The following POLR3B variants were observed in gnomAD, a reference collection of about 807,000 sequenced individuals.
POLR3B encodes the protein DNA-directed RNA polymerase III subunit RPC2.
In POLR3B, 96 loss-of-function variants were observed where a neutral mutation model predicts 147.4. The observed-to-expected ratio is 0.65, with a 90% CI of 0.55 to 0.77. POLR3B has a LOEUF of 0.77. POLR3B is among the 30% of genes least tolerant of loss of function. POLR3B has a pLI of 0.00. For synonymous variants in POLR3B, 461 were observed against 485.9 expected (o/e 0.95, Z 0.67); for missense variants, 1,036 against 1,413.5 (o/e 0.73, Z 4.28).
intron 12 of POLR3B, among the ~76,000 whole-genome samples, chr12:106,414,221 T>TAAAAA (rs5800711): frequency 1.7e-5 from 2 of 121,078 alleles, no homozygotes; most frequent in Non-Finnish European, 3.3e-5. Context: ...GATACAAAAG[T>TAAAAA]AAAAAAAAAA....
chr12:106,409,637 A>G (rs2037197264), intron 11 of POLR3B, among the ~76,000 whole-genome samples: 1 of 151,308 alleles, frequency 6.6e-6, no homozygotes, highest in South Asian at 2.1e-4. Flanking sequence ...ATTACTTAGC[A>G]GCAACAACAA....
chr12:106,455,386 T>C (rs1428000747), intron 20 of POLR3B, among the ~76,000 whole-genome samples: 1 of 152,186 alleles, frequency 6.6e-6, no homozygotes, highest in Non-Finnish European at 1.5e-5. Flanking sequence ...GCAGCCATAA[T>C]AGTACTCCTA....
intron 22 of POLR3B, among the ~76,000 whole-genome samples, chr12:106,461,164 G>A (rs539857829): frequency 2.6e-5 from 4 of 152,006 alleles, no homozygotes; most frequent in African/African-American, 7.2e-5. Context: ...GCACGATCTC[G>A]GCTCACTGCA....
intron 9 of POLR3B, among the ~76,000 whole-genome samples, chr12:106,381,317 A>G (rs780536486): frequency 7.2e-5 from 11 of 152,222 alleles, no homozygotes; most frequent in Non-Finnish European, 1.2e-4. Context: ...GGAGTCAGTG[A>G]TAGCATTTTA....
chr12:106,358,111 A>G (rs575533516), intron 1 of POLR3B, 160 bp downstream of exon 1: 27 of 1,501,884 alleles, frequency 1.8e-5, no homozygotes, highest in Non-Finnish European at 2.1e-5. Context: ...TCTTTTTTCC[A>G]GAGCCGGCCT....
Position 106,509,722 on chromosome 12 carries a change from A to G in POLR3B, c.*173A>G. ...TATATACTCTAAGACTGGCTAAACAACCTTGATCATTGAGCCTCGAGCCAT... is the reference window on the plus strand; with the variant it reads ...TATATACTCTAAGACTGGCTAAACAGCCTTGATCATTGAGCCTCGAGCCAT... On this transcript the variant is annotated 3_prime_UTR_variant, in exon 28 of 28. Coordinates refer to ENST00000228347, the MANE Select transcript of POLR3B (RefSeq NM_018082.6). 1.7e-6 allele frequency: 1 copy of G among 580,782 alleles called. No individual in the cohort carries two copies. The highest frequency in any genetic ancestry group is 3.1e-6 in the Non-Finnish European group (1 of 326,646). 36.0% of individuals were successfully genotyped at this position (580,782 alleles called of 1,614,324 possible).
rs539846287 is a variant in POLR3B at position 106,359,483 on chromosome 12, C to G, written c.72+1532C>G. Reference sequence around the variant, plus strand: ...AGTAGCTGGGATTACAGGCGCCCACCATCACCGCCAGCTAATTTTTGTATT... The same window carrying G: ...AGTAGCTGGGATTACAGGCGCCCACGATCACCGCCAGCTAATTTTTGTATT... On this transcript the variant is annotated intron_variant, in intron 1 of 27. Coordinates refer to ENST00000228347, the MANE Select transcript of POLR3B (RefSeq NM_018082.6). 2.6e-5 allele frequency among the ~76,000 whole-genome samples: 4 copies of G among 152,082 alleles called. No individual in the cohort carries two copies. In the East Asian group the frequency reaches 5.8e-4, roughly 22 times the overall value.
rs1428735156 is a variant in POLR3B at position 106,504,041 on chromosome 12, A to G, written c.3099-40A>G. On this transcript the variant is annotated intron_variant, in intron 26 of 27. Transcript: ENST00000228347. The surrounding 1 kb of genome is among the most constrained non-coding windows in gnomAD (Gnocchi z 4.6). ...GTGATGCTACCTCTTTGTTTGTTTA[A>G]CAGAATAATAACACATTTGTCTAAT... 2.5e-6 allele frequency: 4 copies of G among 1,590,038 alleles called. No individual in the cohort carries two copies. Among genetic ancestry groups the G allele is most frequent in the Non-Finnish European group, 3.5e-6 (4 of 1,158,052 alleles).
rs925917146 is a variant in POLR3B, at chr12:106,507,131, A to G, written c.3273-2289A>G. ...AAAGGAAGACTTCAGGAAGAAGAAAATCCCTATTAAGGTAATTAGCTCATA... is the reference window on the plus strand; with the variant it reads ...AAAGGAAGACTTCAGGAAGAAGAAAGTCCCTATTAAGGTAATTAGCTCATA... On this transcript the variant is annotated intron_variant, in intron 27 of 27. Coordinates refer to ENST00000228347, the MANE Select transcript of POLR3B (RefSeq NM_018082.6). 2.6e-5 allele frequency among the ~76,000 whole-genome samples: 4 copies of G among 152,292 alleles called. No homozygotes were observed. The South Asian group carries it at 8.3e-4, about 32-fold the overall frequency.
At chr12:106,452,733 G>C (rs1593049237) in intron 19 of POLR3B, among the ~76,000 whole-genome samples, 1 of 152,086 alleles carries the variant, frequency 6.6e-6, no homozygotes. Flanking sequence ...TTATTAGTTG[G>C]CACTAAAATA....
intron 2 of POLR3B, among the ~76,000 whole-genome samples, chr12:106,365,313 G>A (rs763882196): frequency 2.7e-4 from 41 of 152,106 alleles, no homozygotes; most frequent in South Asian, 4.1e-4. Context: ...TCTAAAAGCC[G>A]TAGGAAGCTA....
In POLR3B at chr12:106,395,943, C is replaced by G. The variant is rs371353896; in HGVS notation, c.846+2790C>G. Among the ~76,000 whole-genome samples, 186 of 152,284 alleles carry G rather than the reference C, an allele frequency of 1.2e-3. 8 individuals are homozygous for G. The South Asian group carries it at 0.038, about 31-fold the overall frequency. ...CAAGATCGCGCCACTGCACTCCAGC[C>G]TGGGTGACAGAGTGAGACTCCGTTT... On this transcript the variant is annotated intron_variant, in intron 10 of 27. Transcript: ENST00000228347.
At chr12:106,380,353 C>G (rs1259927907) in intron 9 of POLR3B, among the ~76,000 whole-genome samples, 2 of 148,682 alleles carry the variant, frequency 1.3e-5, no homozygotes, top group Non-Finnish European at 3.0e-5. Flanking sequence ...ATGGGCAGAT[C>G]GCCTGAGCCC....
At chr12:106,361,809 C>T (rs1254696997) in intron 1 of POLR3B, among the ~76,000 whole-genome samples, 1 of 152,122 alleles carries the variant, frequency 6.6e-6, no homozygotes, top group Non-Finnish European at 1.5e-5. Flanking sequence ...TGACAAGGCC[C>T]GGCCGGAGGA....
intron 12 of POLR3B, among the ~76,000 whole-genome samples, chr12:106,416,091 G>T (rs118171667): frequency 0.021 from 3,169 of 152,276 alleles, 50 homozygotes; most frequent in South Asian, 0.048. Context: ...GTCAGGTTTT[G>T]CAAGTTCAGA....
intron 14 of POLR3B, among the ~76,000 whole-genome samples, chr12:106,430,889 C>T: frequency 6.6e-6 from 1 of 152,108 alleles, no homozygotes; most frequent in East Asian, 1.9e-4. Flanking sequence ...AGTCCATGAC[C>T]TAATGTGGAT....
rs187490874 is a variant in POLR3B at position 106,398,267 on chromosome 12, C to T, written c.846+5114C>T. Among the ~76,000 whole-genome samples, 1,493 of 152,296 alleles carry T rather than the reference C, an allele frequency of 9.8e-3. 24 individuals are homozygous for T. The highest frequency in any genetic ancestry group is 0.034 in the African/African-American group (1,420 of 41,570). ...AGCAGTCTGAGATCAAACTGCAAGG[C>T]GGCAGCGAGGCTGGGGGAGGGGCGC... On this transcript the variant is annotated intron_variant, in intron 10 of 27. Coordinates refer to ENST00000228347, the MANE Select transcript of POLR3B (RefSeq NM_018082.6).
Position 106,482,199 on chromosome 12 carries a change from A to G in POLR3B, c.2714-13856A>G, listed in dbSNP as rs2038277187. On this transcript the variant is annotated intron_variant, in intron 23 of 27. Coordinates refer to ENST00000228347, the MANE Select transcript of POLR3B (RefSeq NM_018082.6). ...AGAGGCATGACAGTAGTAAAAGTCT[A>G]TTTTTTGAAGTTTTATAAATAAAAT... Among the ~76,000 whole-genome samples, 4 of 152,218 alleles carry G rather than the reference A, an allele frequency of 2.6e-5. No homozygotes were observed. The South Asian group carries it at 8.3e-4, about 31-fold the overall frequency.
chr12:106,362,512 C>G (rs2036484414), intron 1 of POLR3B, among the ~76,000 whole-genome samples: 1 of 152,158 alleles, frequency 6.6e-6, no homozygotes, highest in Non-Finnish European at 1.5e-5. Flanking sequence ...TCCCCTACTA[C>G]AGGTGTTTGC....
Sources: allele counts gnomAD v4.1 joint callset (sites outside exome capture counted in the v4.1 genomes callset), GRCh38; gene constraint gnomAD v4.1.1; non-coding constraint Gnocchi (gnomAD v3.1); transcripts MANE v1.5; gene names NCBI Gene and HGNC (gene_info 2026-07-23, HGNC 2026-07-21).